The following CCDC57 variants were observed in gnomAD, a reference collection of about 807,000 sequenced individuals.
CCDC57 encodes the protein coiled-coil domain-containing protein 57.
In CCDC57, 118 loss-of-function variants were observed where a neutral mutation model predicts 118.9. The ratio of observed to expected loss-of-function variants is 0.99; its 90% CI spans 0.86 to 1.16. CCDC57 has a LOEUF of 1.16. Ranked by LOEUF, CCDC57 falls within the 50% of genes most tolerant of loss-of-function variation. The probability of loss-of-function intolerance (pLI) is 0.00; values close to 1 mark genes in which losing one functional copy is unlikely to be tolerated. For missense variants in CCDC57, 1,300 were observed against 1,320.7 expected, an observed-to-expected ratio of 0.98 and a Z score of 0.24; for synonymous variants, 527 against 532.9, an observed-to-expected ratio of 0.99 and a Z score of 0.15.
intron 16 of CCDC57, among the ~76,000 whole-genome samples, chr17:82,143,164 C>T (rs1313310668): frequency 6.6e-6 from 1 of 150,614 alleles, no homozygotes; most frequent in Non-Finnish European, 1.5e-5. Flanking sequence ...AAAAAAAAAG[C>T]CCACAATGGC....
At chr17:82,202,900 GGCT>G (rs1162848755) in intron 2 of CCDC57, among the ~76,000 whole-genome samples, 17 of 152,174 alleles carry the variant, frequency 1.1e-4, no homozygotes, top group African/African-American at 4.1e-4. Flanking sequence ...AGAAAACTAA[GGCT>G]GCTAAGTGGC....
chr17:82,112,149 T>A (rs1411869109), intron 19 of CCDC57: 1 of 152,026 alleles, frequency 6.6e-6, no homozygotes, highest in Non-Finnish European at 1.5e-5. Context: ...AATTTTTGTA[T>A]TTTTAGTAGA....
At chr17:82,108,026 C>T (rs2034991632) in intron 19 of CCDC57, among the ~76,000 whole-genome samples, 1 of 152,220 alleles carries the variant, frequency 6.6e-6, no homozygotes, top group Non-Finnish European at 1.5e-5. Context: ...GCTCCTGGGG[C>T]AGGCTGGTCT....
intron 3 of CCDC57, among the ~76,000 whole-genome samples, chr17:82,200,467 T>C (rs1256527866): frequency 1.3e-5 from 2 of 152,162 alleles, no homozygotes; most frequent in Non-Finnish European, 2.9e-5. Context: ...AGTTTACTCC[T>C]GCGGCTTTAA....
At chr17:82,198,662 G>T (rs537894277) in intron 3 of CCDC57, among the ~76,000 whole-genome samples, 1 of 151,486 alleles carries the variant, frequency 6.6e-6, no homozygotes, top group South Asian at 2.1e-4. Context: ...AAAATGTCCA[G>T]GATACAATTA....
intron 13 of CCDC57, among the ~76,000 whole-genome samples, chr17:82,167,748 T>C (rs1818672167): frequency 6.6e-6 from 1 of 152,178 alleles, no homozygotes; most frequent in Non-Finnish European, 1.5e-5. Context: ...CCCAAAGTGC[T>C]GGGATTACAG....
chr17:82,183,136 G>C (rs1236794097), intron 9 of CCDC57, among the ~76,000 whole-genome samples: 1 of 152,206 alleles, frequency 6.6e-6, no homozygotes, highest in Non-Finnish European at 1.5e-5. Flanking sequence ...GGGACATAGA[G>C]CCAAATGATA....
rs114923782 is a variant in CCDC57, at chr17:82,114,991, G to A, written c.2899+12701C>T. Among the ~76,000 whole-genome samples the A allele has an allele frequency of 3.4e-3, 513 of 152,308 alleles. 1 individual carries two copies. The highest frequency in any genetic ancestry group is 0.011 in the African/African-American group (477 of 41,570). ...GACATGGCCTCAGAAGACCAAGCCC[G>A]CCCGCAGGGACACCACTGCCCCCAC... On this transcript the variant is annotated intron_variant, in intron 19 of 19. Transcript: ENST00000665763.
chr17:82,188,469 G>A (rs2047254914), intron 7 of CCDC57, 50 bp from the exon 7 acceptor site: 2 of 1,558,370 alleles, frequency 1.3e-6, no homozygotes, highest in Non-Finnish European at 1.7e-6. Context: ...CCAACACCCA[G>A]GCCCCAGACC....
intron 16 of CCDC57, among the ~76,000 whole-genome samples, chr17:82,137,145 G>A (rs1226525370): frequency 6.6e-6 from 1 of 151,650 alleles, no homozygotes; most frequent in Non-Finnish European, 1.5e-5. Flanking sequence ...AGCCTCTTCA[G>A]TAGCTTGGAT....
chr17:82,201,513 G>T (rs2048991038), intron 3 of CCDC57, 25 bp downstream of exon 2: 3 of 1,558,470 alleles, frequency 1.9e-6, no homozygotes, highest in Non-Finnish European at 1.7e-6. Flanking sequence ...CACTGCACAG[G>T]AGGGCGCGTC....
intron 11 of CCDC57, chr17:82,175,631 T>C (rs897378756): frequency 6.6e-6 from 1 of 152,232 alleles, no homozygotes; most frequent in Non-Finnish European, 1.5e-5. Context: ...CCACTGTTCA[T>C]CTTACATATG....
chr17:82,178,718 A>T, intron 10 of CCDC57, 113 bp from the exon 10 acceptor site: 2 of 1,448,566 alleles, frequency 1.4e-6, no homozygotes, highest in Non-Finnish European at 1.8e-6. Context: ...CAGGCTCCCC[A>T]CTGTGGCCAG....
intron 18 of CCDC57, 115 bp from the exon 18 acceptor site, chr17:82,128,023 G>A: frequency 1.4e-6 from 2 of 1,453,958 alleles, no homozygotes; most frequent in South Asian, 1.3e-5. Context: ...TGGCTTAAAG[G>A]CCCAGGCAGA....
intron 11 of CCDC57, chr17:82,175,731 G>T (rs983571829): frequency 6.6e-6 from 1 of 151,584 alleles, no homozygotes; most frequent in Admixed American, 6.5e-5. Context: ...TCCTGAGGCT[G>T]TGTCACCGGT....
intron 19 of CCDC57, 64 bp downstream of exon 18, chr17:82,127,628 T>C: frequency 6.6e-7 from 1 of 1,521,680 alleles, no homozygotes; most frequent in Non-Finnish European, 8.8e-7. Flanking sequence ...CACATGCCCC[T>C]CGGAGAGGGT....
chr17:82,163,251 G>A (rs926264656), exon 14 of CCDC57: 4 of 1,614,004 alleles, frequency 2.5e-6, no homozygotes, highest in East Asian at 2.2e-5. Flanking sequence ...CTCTGTCCCC[G>A]AGCTTCCTGA....
intron 19 of CCDC57, among the ~76,000 whole-genome samples, chr17:82,114,045 C>T (rs879552838): frequency 4.6e-5 from 7 of 152,230 alleles, no homozygotes; most frequent in Non-Finnish European, 7.3e-5. Flanking sequence ...GCCTGACGTG[C>T]ACCTTCTAGT....
chr17:82,202,338 C>A (rs1425428827), intron 2 of CCDC57, among the ~76,000 whole-genome samples: 1 of 151,328 alleles, frequency 6.6e-6, no homozygotes, highest in African/African-American at 2.4e-5. Context: ...TGTGGTGGCA[C>A]GTGCCTGTAG....
Sources: gnomAD v4.1 joint callset for allele counts (sites outside exome capture counted in the v4.1 genomes callset) on GRCh38, gnomAD v4.1.1 for gene constraint, MANE v1.5 for transcripts, NCBI Gene and HGNC (gene_info 2026-07-23, HGNC 2026-07-21) for gene names.